Variants in WDPCP observed in about 807,000 individuals in gnomAD.
The protein encoded by WDPCP is WD repeat containing planar cell polarity effector, also known as WD repeat-containing and planar cell polarity effector protein fritz homolog.
WDPCP carries 71 observed loss-of-function variants against 93.1 expected under a neutral mutation model. The observed-to-expected ratio is 0.76, with a 90% CI of 0.63 to 0.93. The LOEUF (loss-of-function observed/expected upper bound fraction) is 0.93. Ranked by LOEUF, WDPCP falls within the 40% of genes least tolerant of loss-of-function variation. The pLI is 0.00. For missense variants in WDPCP, 844 were observed against 887.4 expected, an observed-to-expected ratio of 0.95 and a Z score of 0.62; for synonymous variants, 315 against 315.0, an observed-to-expected ratio of 1.00 and a Z score of 0.00.
chr2:63,811,815 G>A (rs1403378613), intron 2 of WDPCP, among the ~76,000 whole-genome samples: 1 of 152,028 alleles, frequency 6.6e-6, no homozygotes, highest in African/African-American at 2.4e-5. Context: ...TTGTGTTCAT[G>A]TGTACCCACT....
chr2:63,807,006 G>C (rs1348120963), intron 2 of WDPCP, among the ~76,000 whole-genome samples: 1 of 152,184 alleles, frequency 6.6e-6, no homozygotes, highest in South Asian at 2.1e-4. Context: ...AGTAAAGACA[G>C]GCATAGGAAA....
chr2:63,577,015 G>A (rs942249755), intron 1 of WDPCP, among the ~76,000 whole-genome samples: 1 of 152,144 alleles, frequency 6.6e-6, no homozygotes, highest in East Asian at 1.9e-4. Context: ...CATTCTGAAT[G>A]TAATTTCAAA....
intron 15 of WDPCP, chr2:63,168,648 A>T (rs1673171358): frequency 6.6e-6 from 1 of 152,034 alleles, no homozygotes; most frequent in Admixed American, 6.6e-5. Flanking sequence ...TGAGCCCAGG[A>T]GTTGTGGGCT....
intron 3 of WDPCP, among the ~76,000 whole-genome samples, chr2:63,628,280 A>C (rs917348952): frequency 6.6e-6 from 1 of 152,226 alleles, no homozygotes; most frequent in African/African-American, 2.4e-5. Flanking sequence ...TTTTTTTCTC[A>C]ATAGAAAAAA....
At chr2:63,525,291 G>T (rs1482801504) in intron 1 of WDPCP, among the ~76,000 whole-genome samples, 1 of 151,876 alleles carries the variant, frequency 6.6e-6, no homozygotes, top group Non-Finnish European at 1.5e-5. Flanking sequence ...CTACCTATTG[G>T]GTACTATACT....
At chr2:63,346,699 G>C (rs191574028) in intron 12 of WDPCP, among the ~76,000 whole-genome samples, 7 of 152,262 alleles carry the variant, frequency 4.6e-5, no homozygotes, top group African/African-American at 1.4e-4. Context: ...GATTTATGGA[G>C]CTCTTTCTCC....
chr2:63,644,271 G>A (rs1411770757), intron 3 of WDPCP, among the ~76,000 whole-genome samples: 2 of 122,624 alleles, frequency 1.6e-5, no homozygotes, highest in Non-Finnish European at 3.2e-5. Flanking sequence ...TTGAGACAGA[G>A]TCTTGCTCTG....
intron 12 of WDPCP, among the ~76,000 whole-genome samples, chr2:63,377,431 A>G (rs968914922): frequency 2.6e-5 from 4 of 151,482 alleles, no homozygotes; most frequent in African/African-American, 9.7e-5. Flanking sequence ...AAAGAATACT[A>G]TACATATATG....
In WDPCP at chr2:63,486,605, G is replaced by A. The variant is rs780207815; in HGVS notation, c.209-19C>T. 6.4e-7 allele frequency: 1 copy of A among 1,561,132 alleles called. No homozygotes were observed. The highest frequency in any genetic ancestry group is 1.2e-5 in the South Asian group (1 of 84,850). ...TCTGTCGCTGATATTGTGGCAGAAG[G>A]GATAGAAAGAAAAAAACAAAAGTAG... On this transcript the variant is annotated intron_variant, in intron 3 of 17. Transcript: ENST00000272321.
At chr2:63,265,966 G>T (rs781131349) in intron 13 of WDPCP, among the ~76,000 whole-genome samples, 1 of 152,002 alleles carries the variant, frequency 6.6e-6, no homozygotes, top group East Asian at 1.9e-4. Context: ...TCAACATCTG[G>T]TCATGATAAA....
intron 1 of WDPCP, among the ~76,000 whole-genome samples, chr2:63,818,972 C>T (rs1670978946): frequency 6.6e-6 from 1 of 152,018 alleles, no homozygotes; most frequent in South Asian, 2.1e-4. Flanking sequence ...ACAAACGTCT[C>T]TTGATATATA....
chr2:63,169,258 G>A (rs565608349), intron 15 of WDPCP, among the ~76,000 whole-genome samples: 1 of 152,152 alleles, frequency 6.6e-6, no homozygotes, highest in Non-Finnish European at 1.5e-5. Flanking sequence ...GGGTTCATGG[G>A]TACAGAATTT....
chr2:63,353,952 C>T (rs1001771672), intron 12 of WDPCP, among the ~76,000 whole-genome samples: 1 of 152,126 alleles, frequency 6.6e-6, no homozygotes, highest in African/African-American at 2.4e-5. Flanking sequence ...CAGGTCTGAG[C>T]CTCCAGTCAT....
intron 3 of WDPCP, among the ~76,000 whole-genome samples, chr2:63,631,191 G>A (rs1221415716): frequency 6.6e-6 from 1 of 152,072 alleles, no homozygotes; most frequent in African/African-American, 2.4e-5. Flanking sequence ...TGAAGCAGGA[G>A]AATCACTTGA....
chr2:63,517,009 C>G (rs1216013604), intron 1 of WDPCP, among the ~76,000 whole-genome samples: 1 of 152,074 alleles, frequency 6.6e-6, no homozygotes, highest in South Asian at 2.1e-4. Context: ...ACCCTTTGAA[C>G]TCTATCTCAC....
chr2:63,298,464 C>CT (rs2103699296), intron 13 of WDPCP, among the ~76,000 whole-genome samples: 1 of 151,944 alleles, frequency 6.6e-6, no homozygotes, highest in Non-Finnish European at 1.5e-5. Context: ...ATCCCATTGG[C>CT]TGCCAGCATG....
chr2:63,501,894 G>A (rs973027667), intron 1 of WDPCP, among the ~76,000 whole-genome samples: 2 of 152,196 alleles, frequency 1.3e-5, no homozygotes, highest in African/African-American at 2.4e-5. Context: ...GGGATTCCAG[G>A]TGTGAGCCAC....
At chr2:63,242,841 A>G (rs1030274185) in intron 14 of WDPCP, among the ~76,000 whole-genome samples, 1 of 152,194 alleles carries the variant, frequency 6.6e-6, no homozygotes, top group African/African-American at 2.4e-5. Context: ...TGAACAAGAT[A>G]GGACTATGCC....
At chr2:63,200,699 G>A (rs1383428359) in intron 14 of WDPCP, among the ~76,000 whole-genome samples, 1 of 152,184 alleles carries the variant, frequency 6.6e-6, no homozygotes, top group Non-Finnish European at 1.5e-5. Context: ...GAGTGAGGAT[G>A]TTTATTGGGT....
Sources: allele counts gnomAD v4.1 joint callset (sites outside exome capture counted in the v4.1 genomes callset), GRCh38; gene constraint gnomAD v4.1.1; transcripts MANE v1.5; gene names NCBI Gene and HGNC (gene_info 2026-07-23, HGNC 2026-07-21).